The following PABPC1 variants were observed in gnomAD, a reference collection of about 807,000 sequenced individuals.
PABPC1 encodes the protein polyadenylate-binding protein 1.
In PABPC1, 4 loss-of-function variants were observed where a neutral mutation model predicts 74.0. The observed-to-expected ratio is 0.05, with a 90% CI of 0.03 to 0.12. PABPC1 has a LOEUF of 0.12. Among genes scored for constraint, PABPC1 ranks in the 10% least tolerant of loss-of-function variants. The pLI is 1.00. For synonymous variants in PABPC1, 227 were observed against 264.1 expected (o/e 0.86, Z 1.36); for missense variants, 271 against 821.1 (o/e 0.33, Z 8.19).
At chr8:100,712,300 CAT>C (rs1563612806) in intron 7 of PABPC1, 60 bp downstream of exon 7, 1 of 931,880 alleles carries the variant, frequency 1.1e-6, no homozygotes, top group Non-Finnish European at 1.7e-6. Context: ...AATTTATATA[CAT>C]ATATCTACAT....
intron 9 of PABPC1, among the ~76,000 whole-genome samples, chr8:100,708,848 A>G (rs1026088176): frequency 1.3e-5 from 2 of 151,366 alleles, no homozygotes; most frequent in Non-Finnish European, 2.9e-5. Flanking sequence ...ACTGCACTCG[A>G]GCCTGGGGCA....
chr8:100,718,919 T>C (rs1202044119), intron 1 of PABPC1, among the ~76,000 whole-genome samples: 3 of 150,764 alleles, frequency 2.0e-5, no homozygotes, highest in Non-Finnish European at 4.5e-5. Context: ...AATGTGAAGT[T>C]AGACATATTT....
At chr8:100,716,977 T>C (rs1434192356) in intron 3 of PABPC1, among the ~76,000 whole-genome samples, 5 of 152,224 alleles carry the variant, frequency 3.3e-5, no homozygotes, top group Admixed American at 6.5e-5. Flanking sequence ...TGCTTTTTTT[T>C]CCTCCTAAAG....
chr8:100,708,880 A>AAAAAT (rs1554595387), intron 9 of PABPC1, among the ~76,000 whole-genome samples: 143 of 145,382 alleles, frequency 9.8e-4, no homozygotes, highest in Non-Finnish European at 1.6e-3. Flanking sequence ...CTCTGTCTCG[A>AAAAAT]AAATAAATAA....
intron 2 of PABPC1, 29 bp from the exon 3 acceptor site, chr8:100,717,917 T>G: frequency 6.9e-7 from 1 of 1,454,466 alleles, no homozygotes; most frequent in Non-Finnish European, 9.6e-7. Context: ...CCATTTTTCT[T>G]TATTTGCTAT....
intron 7 of PABPC1, among the ~76,000 whole-genome samples, chr8:100,711,866 C>T (rs1810535617): frequency 6.6e-6 from 1 of 152,216 alleles, no homozygotes; most frequent in Non-Finnish European, 1.5e-5. Flanking sequence ...TCTTGGCCCA[C>T]GGATGCTAGA....
intron 11 of PABPC1, 28 bp downstream of exon 11, chr8:100,706,621 ATT>A: frequency 6.3e-7 from 1 of 1,598,376 alleles, no homozygotes; most frequent in East Asian, 2.2e-5. Flanking sequence ...AAGAAATGTG[ATT>A]TTTATTAAGA....
chr8:100,708,435 G>GA (rs1810439386), intron 9 of PABPC1, among the ~76,000 whole-genome samples: 1 of 151,980 alleles, frequency 6.6e-6, no homozygotes, highest in East Asian at 1.9e-4. Flanking sequence ...CAGACTAGAA[G>GA]AAAGAGTGAG....
At position 100,715,943 on chromosome 8, in the gene PABPC1, A is replaced by G. The variant is rs913156147; in HGVS notation, c.504-342T>C. ...ACCTCTATCAAATTAAAAAGCTTTCATCGTCATTTTAAAGTGGCGCTTGCG... is the reference window on the plus strand; with the variant it reads ...ACCTCTATCAAATTAAAAAGCTTTCGTCGTCATTTTAAAGTGGCGCTTGCG... On this transcript the variant is annotated intron_variant, in intron 3 of 14. Coordinates refer to ENST00000318607, the MANE Select transcript of PABPC1 (RefSeq NM_002568.4). 1.6e-4 allele frequency among the ~76,000 whole-genome samples: 24 copies of G among 152,356 alleles called. 1 individual carries two copies. Among genetic ancestry groups the G allele is most frequent in the African/African-American group, 5.8e-4 (24 of 41,584 alleles).
rs545734286 is a variant in PABPC1 at position 100,718,070 on chromosome 8, G to C, written c.387+17C>G. ...GCTCAACAATGTAAACATGTGTATC[G>C]GACATTTTTGGCTTACCTTACATGA... is the stretch of plus-strand genomic sequence containing the variant. On this transcript the variant is annotated intron_variant, in intron 2 of 14. Transcript: ENST00000318607. 1 of 1,580,516 alleles carries C rather than the reference G, an allele frequency of 6.3e-7. No individual in the cohort carries two copies. The highest frequency in any genetic ancestry group is 8.6e-7 in the Non-Finnish European group (1 of 1,156,566).
At chr8:100,718,914 G>A (rs1810741223) in intron 1 of PABPC1, among the ~76,000 whole-genome samples, 1 of 151,104 alleles carries the variant, frequency 6.6e-6, no homozygotes. Context: ...AAGCTAATGT[G>A]AAGTTAGACA....
chr8:100,715,711 A>G, intron 3 of PABPC1, 110 bp from the exon 4 acceptor site: 1 of 675,906 alleles, frequency 1.5e-6, no homozygotes. Context: ...CAGAATCCCT[A>G]ATAAAAAGCA....
In PABPC1 at chr8:100,706,905, T is replaced by C; in HGVS notation, c.1429A>G (p.Met477Val). The part of the protein sequence containing the change: ...RPASSQVPRV[M>V]STQRVANTST... ...GACTCACCAACACGCTGTGTTGACA[T>C]GACTCGTGGAACCTGTGAAGAAGCT... The change falls in exon 10 of 15, where the codon ATG becomes GTG. Residue 477 changes from methionine (M) to valine (V), a missense_variant. Met to Val is a conservative substitution (Grantham distance 21). This residue lies in a region of PABPC1 where 103 missense variants were observed against 245.3 expected (regional missense o/e 0.42). Transcript: ENST00000318607. The C allele has an allele frequency of 1.2e-6, 2 of 1,614,038 alleles. No homozygotes were observed. Among genetic ancestry groups the C allele is most frequent in the Non-Finnish European group, 1.7e-6 (2 of 1,179,884 alleles).
intron 9 of PABPC1, 77 bp from the exon 10 acceptor site, chr8:100,707,074 T>C: frequency 9.3e-7 from 1 of 1,080,630 alleles, no homozygotes; most frequent in Non-Finnish European, 1.4e-6. Flanking sequence ...TCTTCTTCGA[T>C]CTGAGGTTTG....
At position 100,712,640 on chromosome 8, in the gene PABPC1, T is replaced by A; in HGVS notation, c.876+12A>T. 1 of 1,590,100 alleles carries A rather than the reference T, an allele frequency of 6.3e-7. No homozygotes were observed. Among genetic ancestry groups the A allele is most frequent in the Non-Finnish European group, 8.5e-7 (1 of 1,171,672 alleles). ...TCCCTGTCTTATTTTGGTTGTTCAA[T>A]TAAAAATGAACCTGGTATCTGGTGA... On this transcript the variant is annotated intron_variant, in intron 6 of 14. Coordinates refer to ENST00000318607, the MANE Select transcript of PABPC1 (RefSeq NM_002568.4).
intron 1 of PABPC1, 41 bp from the exon 2 acceptor site, chr8:100,718,321 T>G (rs780390241): frequency 1.9e-6 from 3 of 1,547,648 alleles, no homozygotes; most frequent in South Asian, 2.3e-5. Context: ...TACTTCAAAA[T>G]TTTTGCTGGC....
At chr8:100,719,945 T>A (rs1050421903) in intron 1 of PABPC1, among the ~76,000 whole-genome samples, 2 of 152,272 alleles carry the variant, frequency 1.3e-5, no homozygotes, top group African/African-American at 4.8e-5. Flanking sequence ...GCAGGAAACC[T>A]GCAGTGCAGT....
rs766390007 is a variant in PABPC1 at position 100,712,635 on chromosome 8, T to A, written c.876+17A>T. On this transcript the variant is annotated intron_variant, in intron 6 of 14. Coordinates refer to ENST00000318607, the MANE Select transcript of PABPC1 (RefSeq NM_002568.4). ...CCTCATCCCTGTCTTATTTTGGTTG[T>A]TCAATTAAAAATGAACCTGGTATCT... 2.5e-6 allele frequency: 4 copies of A among 1,593,632 alleles called. No individual in the cohort carries two copies. Among genetic ancestry groups the A allele is most frequent in the Non-Finnish European group, 3.4e-6 (4 of 1,173,340 alleles).
At chr8:100,711,374 T>C (rs181212900) in intron 7 of PABPC1, among the ~76,000 whole-genome samples, 11 of 152,032 alleles carry the variant, frequency 7.2e-5, no homozygotes, top group Admixed American at 6.6e-4. Flanking sequence ...AAGCAGCGGG[T>C]TGGACAAGCT....
Sources: gnomAD v4.1 joint callset for allele counts (sites outside exome capture counted in the v4.1 genomes callset) on GRCh38, gnomAD v4.1.1 for gene constraint, gnomAD v4.1.1 regional missense constraint, MANE v1.5 for transcripts, NCBI Gene and HGNC (gene_info 2026-07-23, HGNC 2026-07-21) for gene names.